The following SHLD2 variants were observed in gnomAD, a reference collection of about 807,000 sequenced individuals.
SHLD2 encodes shieldin complex subunit 2, also known as RINN1-REV7-interacting novel NHEJ regulator 2.
SHLD2 carries 30 observed loss-of-function variants against 73.2 expected under a neutral mutation model. That is an observed-to-expected ratio of 0.41 (90% CI 0.31 to 0.56). The LOEUF (loss-of-function observed/expected upper bound fraction) is 0.56. Among genes scored for constraint, SHLD2 ranks in the 20% least tolerant of loss-of-function variants. The pLI, the probability that SHLD2 is intolerant of heterozygous loss-of-function variation, is 0.28. For synonymous variants in SHLD2, 285 were observed against 370.1 expected (o/e 0.77, Z 2.64); for missense variants, 745 against 1,055.9 (o/e 0.71, Z 4.08).
chr10:87,163,907 A>G (rs1280997921), intron 4 of SHLD2, among the ~76,000 whole-genome samples: 1 of 151,618 alleles, frequency 6.6e-6, no homozygotes, highest in Non-Finnish European at 1.5e-5. Flanking sequence ...TAATGAGCAT[A>G]CCTGGTGCCC....
At chr10:87,163,016 A>G (rs1056736768) in intron 4 of SHLD2, among the ~76,000 whole-genome samples, 4 of 152,178 alleles carry the variant, frequency 2.6e-5, no homozygotes, top group African/African-American at 9.7e-5. Flanking sequence ...ATGAAAATAC[A>G]TATCACAAGG....
At chr10:87,148,611 T>G (rs1055438010) in intron 2 of SHLD2, among the ~76,000 whole-genome samples, 1 of 150,038 alleles carries the variant, frequency 6.7e-6, no homozygotes, top group Non-Finnish European at 1.5e-5. Flanking sequence ...AGCGTGACAG[T>G]ATGTATCTGT....
intron 2 of SHLD2, among the ~76,000 whole-genome samples, chr10:87,141,502 C>G (rs1845195077): frequency 6.6e-6 from 1 of 152,058 alleles, no homozygotes; most frequent in South Asian, 2.1e-4. Context: ...CCACCACACC[C>G]AGCTAATTTT....
chr10:87,097,359 G>A (rs1401573144), intron 2 of SHLD2, among the ~76,000 whole-genome samples: 1 of 152,138 alleles, frequency 6.6e-6, no homozygotes, highest in Admixed American at 6.5e-5. Context: ...TCAGGAGTTC[G>A]AGACCAGCCT....
chr10:87,107,414 C>CA lies in SHLD2; in HGVS notation c.-6+10433dup, dbSNP rs1054668766. ...GGGCAACAAGAGGGAAACTCCTTCT[C>CA]AAAAAAAAGAAAAGAAAAAAGAAAA... On this transcript the variant is annotated intron_variant, in intron 2 of 9. Coordinates refer to ENST00000298786, the MANE Select transcript of SHLD2 (RefSeq NM_001330112.2). Among the ~76,000 whole-genome samples the CA allele has an allele frequency of 4.6e-5, 7 of 151,368 alleles. No individual in the cohort carries two copies. The South Asian group carries it at 6.2e-4, about 13-fold the overall frequency.
At chr10:87,138,314 A>G (rs1844943499) in intron 2 of SHLD2, among the ~76,000 whole-genome samples, 1 of 151,920 alleles carries the variant, frequency 6.6e-6, no homozygotes, top group South Asian at 2.1e-4. Context: ...CAAAGAAAGA[A>G]AAGAAAAGAA....
At chr10:87,142,632 G>A (rs2984892) in intron 2 of SHLD2, among the ~76,000 whole-genome samples, 4 of 152,140 alleles carry the variant, frequency 2.6e-5, no homozygotes, top group Admixed American at 6.6e-5. Flanking sequence ...AGTAGAGCAC[G>A]GGGAAAAAGA....
chr10:87,149,075 A>G (rs1293216487), intron 2 of SHLD2, among the ~76,000 whole-genome samples: 4 of 151,264 alleles, frequency 2.6e-5, no homozygotes, highest in Non-Finnish European at 5.9e-5. Flanking sequence ...TTTAGTAGAG[A>G]TGAAGTTTCG....
At chr10:87,188,138 C>G (rs927043834) in intron 9 of SHLD2, among the ~76,000 whole-genome samples, 1 of 152,126 alleles carries the variant, frequency 6.6e-6, no homozygotes, top group African/African-American at 2.4e-5. Context: ...CAGGGTTGTT[C>G]CTCTTTGATT....
At chr10:87,122,770 TTTTG>T (rs1843717561) in intron 2 of SHLD2, among the ~76,000 whole-genome samples, 1 of 152,170 alleles carries the variant, frequency 6.6e-6, no homozygotes, top group Non-Finnish European at 1.5e-5. Context: ...ATTTATTTAT[TTTTG>T]TTTATTTTTA....
intron 4 of SHLD2, among the ~76,000 whole-genome samples, chr10:87,159,935 AAG>A (rs1342014167): frequency 1.3e-5 from 2 of 152,222 alleles, no homozygotes; most frequent in African/African-American, 2.4e-5. Flanking sequence ...GTTTAAAATT[AAG>A]AGGCAAATTT....
At chr10:87,097,475 G>T (rs1381715597) in intron 2 of SHLD2, among the ~76,000 whole-genome samples, 1 of 152,066 alleles carries the variant, frequency 6.6e-6, no homozygotes, top group East Asian at 1.9e-4. Context: ...AGGGGGTTGG[G>T]CAGTGCTTGT....
At chr10:87,125,929 AAATAAT>A (rs1301737643) in intron 2 of SHLD2, among the ~76,000 whole-genome samples, 9 of 151,826 alleles carry the variant, frequency 5.9e-5, no homozygotes, top group African/African-American at 1.5e-4. Context: ...CTCTGTCTCA[AAATAAT>A]AATAATAATA....
chr10:87,147,072 G>GAAAAAAAAAAA (rs76041937), intron 2 of SHLD2, among the ~76,000 whole-genome samples: 5 of 95,310 alleles, frequency 5.2e-5, no homozygotes, highest in Non-Finnish European at 9.1e-5. Flanking sequence ...AAAAAAAAAA[G>GAAAAAAAAAAA]AAAAAAAAAA....
upstream of SHLD2, among the ~76,000 whole-genome samples, chr10:87,095,018 G>C (rs1841705964): frequency 6.9e-6 from 1 of 145,572 alleles, no homozygotes; most frequent in African/African-American, 2.5e-5. Context: ...TGGCGGCAGC[G>C]CGCGCCGGCG....
At chr10:87,160,983 T>C (rs563546061) in intron 4 of SHLD2, among the ~76,000 whole-genome samples, 2 of 134,332 alleles carry the variant, frequency 1.5e-5, no homozygotes, top group Non-Finnish European at 3.1e-5. Context: ...TGAGATTCGG[T>C]CTCCAAAAAA....
intron 2 of SHLD2, among the ~76,000 whole-genome samples, chr10:87,149,648 G>A (rs1845871982): frequency 2.6e-5 from 4 of 151,994 alleles, no homozygotes; most frequent in African/African-American, 9.7e-5. Context: ...GCTTGAACCT[G>A]GGAGACAGGA....
intron 2 of SHLD2, among the ~76,000 whole-genome samples, chr10:87,149,650 G>A (rs11202348): frequency 3.4e-4 from 51 of 152,154 alleles, no homozygotes; most frequent in African/African-American, 1.1e-3. Flanking sequence ...TTGAACCTGG[G>A]AGACAGGAGG....
At chr10:87,106,369 G>T (rs530051513) in intron 2 of SHLD2, among the ~76,000 whole-genome samples, 107 of 152,232 alleles carry the variant, frequency 7.0e-4, no homozygotes, top group African/African-American at 2.4e-3. Flanking sequence ...TAACTGACTT[G>T]CTCTCTGCTG....
Sources: allele counts gnomAD v4.1 joint callset (sites outside exome capture counted in the v4.1 genomes callset), GRCh38; gene constraint gnomAD v4.1.1; transcripts MANE v1.5; gene names NCBI Gene and HGNC (gene_info 2026-07-23, HGNC 2026-07-21).